The following GSE1 variants were observed in gnomAD, a reference collection of about 807,000 sequenced individuals.
GSE1 encodes genetic suppressor element 1.
In GSE1, 32 loss-of-function variants were observed where a neutral mutation model predicts 112.6. The observed-to-expected ratio is 0.28, with a 90% CI of 0.21 to 0.38. GSE1 has a LOEUF of 0.38. Among genes scored for constraint, GSE1 ranks in the 10% least tolerant of loss-of-function variants. The pLI is 1.00. For missense variants in GSE1, 2,348 were observed against 1,699.2 expected, an observed-to-expected ratio of 1.38 and a Z score of -6.71; for synonymous variants, 1,115 against 735.6, an observed-to-expected ratio of 1.52 and a Z score of -8.35.
chr16:85,562,510 G>C (rs2045567841), intron 1 of GSE1, among the ~76,000 whole-genome samples: 1 of 152,198 alleles, frequency 6.6e-6, no homozygotes, highest in African/African-American at 2.4e-5. Flanking sequence ...TTGTACTCTG[G>C]GAGCAAATGG....
At chr16:85,181,870 G>A (rs1441132061) in intron 1 of GSE1, among the ~76,000 whole-genome samples, 2 of 152,182 alleles carry the variant, frequency 1.3e-5, no homozygotes, top group African/African-American at 4.8e-5. Context: ...AGCATGGCGG[G>A]GCCTTGCCAC....
At chr16:85,423,303 C>G (rs1339344528) in intron 2 of GSE1, among the ~76,000 whole-genome samples, 4 of 152,220 alleles carry the variant, frequency 2.6e-5, no homozygotes, top group African/African-American at 9.6e-5. Context: ...GGGTCAGGCT[C>G]CAGCCGGAGA....
intron 1 of GSE1, among the ~76,000 whole-genome samples, chr16:85,577,102 G>T (rs1021979817): frequency 6.6e-6 from 1 of 151,410 alleles, no homozygotes; most frequent in African/African-American, 2.4e-5. Flanking sequence ...ACCTTCCCCG[G>T]GCACCCGGCC....
intron 1 of GSE1, among the ~76,000 whole-genome samples, chr16:85,230,426 G>GA (rs1904275428): frequency 6.6e-6 from 1 of 152,152 alleles, no homozygotes; most frequent in Non-Finnish European, 1.5e-5. Flanking sequence ...ACCCAACTCA[G>GA]ACTCACTCAA....
At chr16:85,477,450 C>G (rs552324982) in intron 2 of GSE1, among the ~76,000 whole-genome samples, 2 of 152,106 alleles carry the variant, frequency 1.3e-5, no homozygotes, top group South Asian at 4.2e-4. Context: ...CCACAGCCAG[C>G]TGGGTCTGCT....
Position 85,235,872 on chromosome 16 carries a change from A to G in GSE1, c.2283+64065A>G, listed in dbSNP as rs879540378. Among the ~76,000 whole-genome samples the G allele has an allele frequency of 3.8e-3, 582 of 152,008 alleles. 7 individuals are homozygous for G. The highest frequency in any genetic ancestry group is 0.03 in the South Asian group (144 of 4,828). On this transcript the variant is annotated intron_variant, in intron 1 of 2. Transcript: ENST00000637419. ...CAGCTGTTCGCGATGCACATCTGGC[A>G]GCGGCGCCCGCGCCCCGCCCCCGCG...
chr16:85,296,607 C>G (rs2045373839), intron 1 of GSE1, among the ~76,000 whole-genome samples: 1 of 152,106 alleles, frequency 6.6e-6, no homozygotes, highest in African/African-American at 2.4e-5. Flanking sequence ...ATTCCTTCTC[C>G]AAACAAACAA....
intron 1 of GSE1, among the ~76,000 whole-genome samples, chr16:85,280,721 GC>G (rs1470920140): frequency 6.6e-6 from 1 of 152,186 alleles, no homozygotes; most frequent in East Asian, 1.9e-4. Context: ...TTTGGGGATT[GC>G]CCCCACACCA....
intron 2 of GSE1, among the ~76,000 whole-genome samples, chr16:85,504,004 C>T (rs918350953): frequency 2.6e-5 from 4 of 152,130 alleles, no homozygotes; most frequent in Admixed American, 6.5e-5. Flanking sequence ...CACCGGAGCC[C>T]GGGCTGCCGA....
chr16:85,241,949 C>T (rs1248270263), intron 1 of GSE1, among the ~76,000 whole-genome samples: 3 of 152,030 alleles, frequency 2.0e-5, no homozygotes, highest in East Asian at 1.9e-4. Flanking sequence ...CTGGCCCCTC[C>T]GAAGCTGCTC....
intron 1 of GSE1, among the ~76,000 whole-genome samples, chr16:85,213,987 T>C (rs1404059753): frequency 6.6e-6 from 1 of 152,138 alleles, no homozygotes; most frequent in Non-Finnish European, 1.5e-5. Context: ...AGAGGGCTGT[T>C]AAGGGAGGTG....
rs1331220902 is a variant in GSE1, at chr16:85,666,629, G to C, written c.3130+282G>C. ...ATCGGTAAGAGGTAAAGGAGTGAAC[G>C]CCGACAGGCATTGGTTTTTGCAGAG... On this transcript the variant is annotated intron_variant, in intron 13 of 15. Transcript: ENST00000253458. The C allele has an allele frequency of 9.0e-6, 4 of 443,718 alleles. No individual in the cohort carries two copies. In the Admixed American group the frequency reaches 1.2e-4, roughly 14 times the overall value. The allele number at this position is 443,718 out of a possible 1,614,324, so 27.5% of individuals were successfully genotyped here.
intron 2 of GSE1, among the ~76,000 whole-genome samples, chr16:85,510,067 C>G (rs1017335880): frequency 2.0e-5 from 3 of 152,188 alleles, no homozygotes; most frequent in Non-Finnish European, 4.4e-5. Flanking sequence ...GCAGGTGGGG[C>G]CCCGGGGGCC....
chr16:85,667,899 T>C (rs528813053), intron 13 of GSE1, among the ~76,000 whole-genome samples: 1 of 121,910 alleles, frequency 8.2e-6, no homozygotes, highest in Non-Finnish European at 1.9e-5. Context: ...CCAACAAAAA[T>C]GGTCCACGTA....
At chr16:85,329,872 AAAGGGCCAGGCATCAGGGGCAGGGGGC>A (rs1290039572) in intron 1 of GSE1, among the ~76,000 whole-genome samples, 5 of 136,750 alleles carry the variant, frequency 3.7e-5, no homozygotes, top group African/African-American at 1.1e-4. Context: ...GCAGGAGGGG[AAAGGGCCAGGCATCAGGGGCAGGGGGC>A]AAGGGGCTAG....
At chr16:85,608,523 C>G (rs7195360), upstream of GSE1, among the ~76,000 whole-genome samples, 8,171 of 151,954 alleles carry the variant, frequency 0.054, 733 homozygotes, top group African/African-American at 0.18. Context: ...CCGCTTGAGA[C>G]CTGTCGTACC....
chr16:85,174,921 C>T (rs1415594668), intron 1 of GSE1, among the ~76,000 whole-genome samples: 2 of 152,112 alleles, frequency 1.3e-5, no homozygotes, highest in African/African-American at 2.4e-5. Context: ...TCCCATCTGT[C>T]TTTTGGGGGG....
At chr16:85,579,317 T>A (rs895469429) in intron 1 of GSE1, among the ~76,000 whole-genome samples, 1 of 152,194 alleles carries the variant, frequency 6.6e-6, no homozygotes, top group East Asian at 1.9e-4. Flanking sequence ...CCCACCCACT[T>A]CTTTTGAAAT....
intron 1 of GSE1, among the ~76,000 whole-genome samples, chr16:85,619,152 C>A (rs2048565132): frequency 6.6e-6 from 1 of 152,214 alleles, no homozygotes; most frequent in Admixed American, 6.5e-5. Flanking sequence ...TTTTAGGAGC[C>A]TCAACGTCCC....
Sources: gnomAD v4.1 joint callset for allele counts (sites outside exome capture counted in the v4.1 genomes callset) on GRCh38, gnomAD v4.1.1 for gene constraint, MANE v1.5 for transcripts, NCBI Gene and HGNC (gene_info 2026-07-23, HGNC 2026-07-21) for gene names.